MPP7: variants seen among roughly 807,000 people sequenced by gnomAD.
MPP7 encodes the protein MAGUK p55 subfamily member 7.
A neutral mutation model predicts 76.5 loss-of-function variants in MPP7; 60 were observed. The ratio of observed to expected loss-of-function variants is 0.78; its 90% CI spans 0.64 to 0.97. The LOEUF is 0.97. Ranked by LOEUF, MPP7 falls within the 50% of genes least tolerant of loss-of-function variation. The pLI is 0.00. For synonymous variants in MPP7, 237 were observed against 244.5 expected (o/e 0.97, Z 0.29); for missense variants, 641 against 694.0 (o/e 0.92, Z 0.86).
intron 2 of MPP7, among the ~76,000 whole-genome samples, chr10:28,227,100 A>C (rs2134093001): frequency 6.6e-6 from 1 of 152,306 alleles, no homozygotes; most frequent in South Asian, 2.1e-4. Flanking sequence ...CCTGAAGAGG[A>C]CTTTTTCACT....
At chr10:28,113,281 G>C (rs1674743369) in intron 11 of MPP7, among the ~76,000 whole-genome samples, 2 of 152,154 alleles carry the variant, frequency 1.3e-5, no homozygotes, top group South Asian at 4.1e-4. Flanking sequence ...CACACTGGTT[G>C]AGTCTGCATC....
intron 5 of MPP7, among the ~76,000 whole-genome samples, chr10:28,146,587 A>G (rs1383967237): frequency 6.6e-6 from 1 of 151,772 alleles, no homozygotes; most frequent in African/African-American, 2.4e-5. Flanking sequence ...ATTTAATACC[A>G]TCTCTCTTTT....
chr10:28,070,214 G>A (rs7923805), intron 12 of MPP7, among the ~76,000 whole-genome samples: 3 of 152,050 alleles, frequency 2.0e-5, no homozygotes, highest in African/African-American at 7.2e-5. Context: ...TGGCTAACAC[G>A]GTGAAACCCC....
At chr10:28,064,606 A>G (rs1204387388) in intron 13 of MPP7, among the ~76,000 whole-genome samples, 1 of 152,228 alleles carries the variant, frequency 6.6e-6, no homozygotes, top group Non-Finnish European at 1.5e-5. Context: ...TTACATCTTG[A>G]TGTTATAAAA....
intron 5 of MPP7, 121 bp from the exon 6 acceptor site, chr10:28,131,812 G>A: frequency 2.7e-6 from 1 of 369,290 alleles, no homozygotes; most frequent in South Asian, 1.0e-4. Context: ...TTACGGTTTT[G>A]ACATAGTAGT....
intron 11 of MPP7, among the ~76,000 whole-genome samples, chr10:28,095,652 A>T (rs1853534135): frequency 6.6e-6 from 1 of 152,170 alleles, no homozygotes; most frequent in Admixed American, 6.5e-5. Flanking sequence ...TGTGACCTTA[A>T]ACTGAAAGTA....
chr10:28,136,409 G>T (rs1835355908), intron 5 of MPP7, among the ~76,000 whole-genome samples: 1 of 151,728 alleles, frequency 6.6e-6, no homozygotes, highest in Admixed American at 6.6e-5. Flanking sequence ...CACAGTAACT[G>T]GTAGTTAATC....
rs79810289 is a variant in MPP7, at chr10:28,070,900, C to T, written c.1124-1048G>A. Among the ~76,000 whole-genome samples the T allele has an allele frequency of 7.7e-3, 1,170 of 152,286 alleles. 48 individuals are homozygous for T. In the East Asian group the frequency reaches 0.11, roughly 15 times the overall value. On this transcript the variant is annotated intron_variant, in intron 12 of 16. Transcript: ENST00000683449. ...CATAAGTCCCCCCTTTCCAGCATTG[C>T]TTTCCACCTAAAAGCTTCTCACAAT...
In MPP7 at chr10:28,070,835, G is replaced by T. The variant is rs1471435530; in HGVS notation, c.1124-983C>A. 5.3e-5 allele frequency among the ~76,000 whole-genome samples: 8 copies of T among 152,192 alleles called. No homozygotes were observed. The South Asian group carries it at 1.7e-3, about 31-fold the overall frequency. On this transcript the variant is annotated intron_variant, in intron 12 of 16. Coordinates refer to ENST00000683449, the MANE Select transcript of MPP7 (RefSeq NM_001318170.2). ...GGACCAGAAAAACAAAAAACAAAGA[G>T]CAGTTTCAAATATGAGTCTGAAATC... is the stretch of plus-strand genomic sequence containing the variant.
chr10:28,087,731 T>A (rs12252839), intron 12 of MPP7, among the ~76,000 whole-genome samples: 15,411 of 152,058 alleles, frequency 0.1, 1,065 homozygotes, highest in East Asian at 0.26. Context: ...TCCCCTTGGC[T>A]GAGGAGAAGA....
At chr10:28,128,767 A>T (rs1835098813) in intron 6 of MPP7, among the ~76,000 whole-genome samples, 1 of 152,204 alleles carries the variant, frequency 6.6e-6, no homozygotes, top group Admixed American at 6.5e-5. Flanking sequence ...CCAAATGGAG[A>T]TAACAAATAG....
At chr10:28,332,140 G>GT (rs753417655) in intron 1 of MPP7, among the ~76,000 whole-genome samples, 7 of 151,972 alleles carry the variant, frequency 4.6e-5, no homozygotes, top group Non-Finnish European at 4.4e-5. Flanking sequence ...AAGAAATTGA[G>GT]TTTTTTTCTT....
intron 2 of MPP7, among the ~76,000 whole-genome samples, chr10:28,325,207 C>G (rs1434237195): frequency 6.6e-6 from 1 of 152,150 alleles, no homozygotes; most frequent in South Asian, 2.1e-4. Context: ...GTGTTCTTAA[C>G]CACTATACAG....
chr10:28,093,034 G>T (rs547351424), intron 11 of MPP7, among the ~76,000 whole-genome samples: 1 of 151,974 alleles, frequency 6.6e-6, no homozygotes. Context: ...ACTCTGTCAC[G>T]GATGTGTGCT....
chr10:28,276,031 T>C (rs1249581375), intron 1 of MPP7, among the ~76,000 whole-genome samples: 1 of 72,266 alleles, frequency 1.4e-5, no homozygotes, highest in Non-Finnish European at 2.5e-5. Context: ...CATCACATAC[T>C]TTTTTTTTTT....
At chr10:28,166,933 T>C (rs1029722851) in intron 3 of MPP7, among the ~76,000 whole-genome samples, 1 of 152,190 alleles carries the variant, frequency 6.6e-6, no homozygotes, top group Non-Finnish European at 1.5e-5. Flanking sequence ...CATAATACTT[T>C]GTTCTGCAGA....
intron 12 of MPP7, among the ~76,000 whole-genome samples, chr10:28,078,156 G>A (rs544950306): frequency 9.2e-4 from 140 of 152,256 alleles, no homozygotes; most frequent in Non-Finnish European, 1.7e-3. Flanking sequence ...ACATGAACTC[G>A]GGTAGCTGTT....
intron 13 of MPP7, among the ~76,000 whole-genome samples, chr10:28,063,798 G>T (rs1419414308): frequency 6.6e-6 from 1 of 152,184 alleles, no homozygotes; most frequent in African/African-American, 2.4e-5. Flanking sequence ...GTCTTCTGTG[G>T]TTCTGTGAAA....
chr10:28,240,548 A>C (rs1564726482), intron 1 of MPP7, among the ~76,000 whole-genome samples: 1 of 152,160 alleles, frequency 6.6e-6, no homozygotes, highest in Non-Finnish European at 1.5e-5. Context: ...AAAGAGTGCT[A>C]ATTTAAAATA....
Sources: gnomAD v4.1 joint callset for allele counts (sites outside exome capture counted in the v4.1 genomes callset) on GRCh38, gnomAD v4.1.1 for gene constraint, MANE v1.5 for transcripts, NCBI Gene and HGNC (gene_info 2026-07-23, HGNC 2026-07-21) for gene names.